Variants in VPS13B observed in about 807,000 individuals in gnomAD.
VPS13B encodes intermembrane lipid transfer protein VPS13B.
VPS13B carries 285 observed loss-of-function variants against 426.4 expected under a neutral mutation model. The observed-to-expected ratio is 0.67, with a 90% confidence interval of 0.61 to 0.74. The LOEUF is 0.74. Ranked by LOEUF, VPS13B falls within the 30% of genes least tolerant of loss-of-function variation. The pLI, the probability that VPS13B is intolerant of heterozygous loss-of-function variation, is 0.00. For missense variants in VPS13B, 4,537 were observed against 4,782.6 expected, an observed-to-expected ratio of 0.95 and a Z score of 1.51; for synonymous variants, 1,676 against 1,676.4, an observed-to-expected ratio of 1.00 and a Z score of 0.01.
chr8:99,806,273 T>C (rs2130776828), intron 43 of VPS13B, among the ~76,000 whole-genome samples: 1 of 152,356 alleles, frequency 6.6e-6, no homozygotes, highest in East Asian at 1.9e-4. Flanking sequence ...CTCTCGCCAG[T>C]TGAGATGGTT....
At chr8:99,871,305 T>G (rs1817399723) in intron 60 of VPS13B, 143 bp from the exon 61 acceptor site, 2 of 1,267,420 alleles carry the variant, frequency 1.6e-6, no homozygotes, top group South Asian at 2.5e-5. Flanking sequence ...AACTGACAAT[T>G]ACATTTCAAG....
intron 24 of VPS13B, among the ~76,000 whole-genome samples, chr8:99,474,622 C>G (rs1397416607): frequency 6.6e-6 from 1 of 151,854 alleles, no homozygotes; most frequent in Non-Finnish European, 1.5e-5. Context: ...GAAAATATGC[C>G]CAATATCATT....
At chr8:99,867,506 T>A (rs935648619) in intron 58 of VPS13B, among the ~76,000 whole-genome samples, 2 of 152,096 alleles carry the variant, frequency 1.3e-5, no homozygotes, top group African/African-American at 4.8e-5. Flanking sequence ...TTTTCCAAGA[T>A]TGGCAAAGAG....
intron 35 of VPS13B, among the ~76,000 whole-genome samples, chr8:99,690,440 A>T (rs1458878277): frequency 6.6e-6 from 1 of 152,196 alleles, no homozygotes; most frequent in East Asian, 1.9e-4. Flanking sequence ...AAAATAACAA[A>T]CATATTGGAC....
intron 35 of VPS13B, among the ~76,000 whole-genome samples, chr8:99,676,157 A>C (rs1461759478): frequency 6.6e-6 from 1 of 152,056 alleles, no homozygotes; most frequent in Non-Finnish European, 1.5e-5. Flanking sequence ...ATTGTCCCTA[A>C]GTCCATGATT....
chr8:99,350,845 A>G (rs987780903), intron 19 of VPS13B, among the ~76,000 whole-genome samples: 1 of 151,502 alleles, frequency 6.6e-6, no homozygotes, highest in African/African-American at 2.4e-5. Context: ...AATTATATGT[A>G]TATGTAATAT....
chr8:99,707,566 A>G (rs922965069), intron 36 of VPS13B, among the ~76,000 whole-genome samples: 2 of 152,204 alleles, frequency 1.3e-5, no homozygotes, highest in African/African-American at 4.8e-5. Flanking sequence ...AGTATTAGAT[A>G]ACTAACTATA....
At chr8:99,387,931 A>G (rs1158257130) in intron 20 of VPS13B, among the ~76,000 whole-genome samples, 2 of 152,340 alleles carry the variant, frequency 1.3e-5, no homozygotes, top group Admixed American at 6.5e-5. Flanking sequence ...TCATAAAAGT[A>G]AGGAATACTG....
chr8:99,697,677 C>G lies in VPS13B; in HGVS notation c.6047-1848C>G, dbSNP rs1000888289. ...GGGTGCAGCAGATGATCGGGCAGAT[C>G]GAGGGCTTGATCTCACACCTGGAGA... On this transcript the variant is annotated intron_variant, in intron 35 of 61. Transcript: ENST00000357162. The G allele has an allele frequency of 4.7e-6, 3 of 643,936 alleles. No individual in the cohort carries two copies. In the African/African-American group the frequency reaches 5.4e-5, roughly 12 times the overall value. The allele number at this position is 643,936 out of a possible 1,614,324, so 39.9% of individuals were successfully genotyped here. A position where few individuals can be genotyped will look rare whatever the true frequency, so the allele number is the denominator to read the frequency against.
intron 17 of VPS13B, chr8:99,233,090 A>G: frequency 2.2e-6 from 3 of 1,372,198 alleles, no homozygotes; most frequent in Admixed American, 3.4e-5. Context: ...GGGTATTTCT[A>G]CTCCTGCTGC....
intron 2 of VPS13B, among the ~76,000 whole-genome samples, chr8:99,018,872 G>T (rs1324724254): frequency 6.6e-6 from 1 of 152,072 alleles, no homozygotes; most frequent in African/African-American, 2.4e-5. Flanking sequence ...TTTTGTTAAT[G>T]TGGTAAATTA....
rs192162937 is a variant in VPS13B at position 99,388,191 on chromosome 8, T to C, written c.2935-3366T>C. Among the ~76,000 whole-genome samples the C allele has an allele frequency of 9.9e-5, 15 of 152,266 alleles. No individual in the cohort carries two copies. In the East Asian group the frequency reaches 2.7e-3, roughly 27 times the overall value. ...ACTGCCCTTAATGTGTGTCTGTAAG[T>C]GAATGCAGGTGTAAAAATTAAGTTG... On this transcript the variant is annotated intron_variant, in intron 20 of 61. Transcript: ENST00000357162.
chr8:99,124,458 T>C (rs1298708845), intron 8 of VPS13B, among the ~76,000 whole-genome samples: 2 of 152,158 alleles, frequency 1.3e-5, no homozygotes, highest in Non-Finnish European at 2.9e-5. Flanking sequence ...TCAAACAAAT[T>C]GGTGAACATA....
At chr8:99,761,310 A>G (rs1414134383) in intron 39 of VPS13B, among the ~76,000 whole-genome samples, 1 of 152,216 alleles carries the variant, frequency 6.6e-6, no homozygotes, top group African/African-American at 2.4e-5. Flanking sequence ...CCAGCCTCAC[A>G]CAAGTTGTGA....
chr8:99,600,646 A>T (rs990998296), intron 33 of VPS13B, among the ~76,000 whole-genome samples: 4 of 152,168 alleles, frequency 2.6e-5, no homozygotes, highest in Non-Finnish European at 5.9e-5. Flanking sequence ...TGAAGCACTC[A>T]TTTGGGGAAG....
chr8:99,625,973 A>G (rs1031680167), intron 33 of VPS13B, among the ~76,000 whole-genome samples: 1 of 152,276 alleles, frequency 6.6e-6, no homozygotes, highest in Non-Finnish European at 1.5e-5. Flanking sequence ...TACTGACTTT[A>G]CAGAAATAAA....
chr8:99,719,777 A>G (rs1421565032), intron 37 of VPS13B, among the ~76,000 whole-genome samples: 7 of 152,170 alleles, frequency 4.6e-5, no homozygotes, highest in Non-Finnish European at 1.0e-4. Flanking sequence ...TACTGTAGCT[A>G]CTGTAGTATA....
intron 39 of VPS13B, among the ~76,000 whole-genome samples, chr8:99,760,317 C>A (rs1810863445): frequency 6.6e-6 from 1 of 152,068 alleles, no homozygotes; most frequent in African/African-American, 2.4e-5. Context: ...CTATAGTATC[C>A]AAAATCTTTG....
At chr8:99,808,894 A>G (rs1402805032) in intron 43 of VPS13B, among the ~76,000 whole-genome samples, 1 of 152,066 alleles carries the variant, frequency 6.6e-6, no homozygotes, top group Non-Finnish European at 1.5e-5. Context: ...AAGTATATTA[A>G]ATGAATTGCA....
Sources: gnomAD v4.1 joint callset for allele counts (sites outside exome capture counted in the v4.1 genomes callset) on GRCh38, gnomAD v4.1.1 for gene constraint, MANE v1.5 for transcripts, NCBI Gene and HGNC (gene_info 2026-07-23, HGNC 2026-07-21) for gene names.